The following TNRC6B variants were observed in gnomAD, a reference collection of about 807,000 sequenced individuals.
TNRC6B encodes trinucleotide repeat containing adaptor 6B.
Under a neutral mutation model 203.6 loss-of-function variants are expected in TNRC6B, and 52 were observed. That is an observed-to-expected ratio of 0.26 (90% CI 0.20 to 0.32). The LOEUF is 0.32. TNRC6B is among the 10% of genes least tolerant of loss of function. TNRC6B has a pLI of 1.00. For missense variants in TNRC6B, 1,923 were observed against 2,286.2 expected (o/e 0.84, Z 3.24); for synonymous variants, 838 against 845.7 (o/e 0.99, Z 0.16).
At chr22:40,099,360 A>G (rs533349942) in intron 1 of TNRC6B, among the ~76,000 whole-genome samples, 3 of 152,286 alleles carry the variant, frequency 2.0e-5, no homozygotes, top group East Asian at 3.9e-4. Flanking sequence ...TGCTGAAATA[A>G]TTCATCTTTT....
At chr22:40,167,658 T>C (rs2068931364) in intron 4 of TNRC6B, among the ~76,000 whole-genome samples, 1 of 133,650 alleles carries the variant, frequency 7.5e-6, no homozygotes, top group African/African-American at 2.9e-5. Context: ...AGTGGGAGGG[T>C]TGTTTGAACC....
At chr22:40,128,005 A>G (rs1237660104) in intron 3 of TNRC6B, among the ~76,000 whole-genome samples, 1 of 152,226 alleles carries the variant, frequency 6.6e-6, no homozygotes, top group African/African-American at 2.4e-5. Flanking sequence ...TCAGTTTTCA[A>G]CTTCTTTTTG....
intron 1 of TNRC6B, among the ~76,000 whole-genome samples, chr22:40,062,231 C>T (rs962333071): frequency 2.6e-5 from 4 of 152,100 alleles, no homozygotes; most frequent in African/African-American, 9.7e-5. Flanking sequence ...GATAGAGTCT[C>T]ACTCTGTTGC....
Position 40,265,743 on chromosome 22 carries a change from G to A in TNRC6B, c.1513G>A (p.Gly505Arg). Residue 505 changes from glycine to arginine, a missense_variant, in exon 5 of 23, where the codon GGG becomes AGG. Transcript: ENST00000454349. ...KWGEGNKMTS[G>R]VSQGEWKQPT... is the part of the protein sequence containing the mutation. ...GGGTGAAGGGAACAAAATGACATCT[G>A]GGGTCTCTCAGGGAGAATGGAAACA... 1 of 1,613,966 alleles carries A rather than the reference G, an allele frequency of 6.2e-7. No individual in the cohort carries two copies. The highest frequency in any genetic ancestry group is 8.5e-7 in the Non-Finnish European group (1 of 1,179,884).
chr22:40,053,838 A>G (rs907039407), intron 1 of TNRC6B, among the ~76,000 whole-genome samples: 1 of 152,142 alleles, frequency 6.6e-6, no homozygotes, highest in African/African-American at 2.4e-5. Context: ...ATCTTTTAAA[A>G]CTACAGATGT....
chr22:40,137,109 T>G (rs2068606476), intron 3 of TNRC6B, among the ~76,000 whole-genome samples: 1 of 152,218 alleles, frequency 6.6e-6, no homozygotes, highest in African/African-American at 2.4e-5. Flanking sequence ...GGTAATTTGT[T>G]TTGTTTGTGT....
chr22:40,237,719 A>G (rs746546772), intron 1 of TNRC6B, among the ~76,000 whole-genome samples: 7 of 152,144 alleles, frequency 4.6e-5, no homozygotes, highest in Non-Finnish European at 1.0e-4. Context: ...CTCATCTCCC[A>G]GATGGCTTTC....
At chr22:40,098,913 G>A (rs1043535157) in intron 1 of TNRC6B, among the ~76,000 whole-genome samples, 1 of 151,816 alleles carries the variant, frequency 6.6e-6, no homozygotes, top group South Asian at 2.1e-4. Flanking sequence ...TTAAATTGAT[G>A]TGTTTGATTT....
chr22:40,252,125 C>T (rs1170328663), intron 3 of TNRC6B, among the ~76,000 whole-genome samples: 1 of 152,110 alleles, frequency 6.6e-6, no homozygotes, highest in Non-Finnish European at 1.5e-5. Context: ...GTTCATTTCC[C>T]CTTCAGAATG....
At position 40,261,896 on chromosome 22, in the gene TNRC6B, A is replaced by G. The variant is rs376736908; in HGVS notation, c.180A>G (p.Pro60=). The G allele has an allele frequency of 5.1e-5, 82 of 1,601,156 alleles. No individual in the cohort carries two copies. In the African/African-American group the frequency reaches 1.0e-3, roughly 20 times the overall value. The change falls in exon 4 of 23, where the codon CCA becomes CCG. Residue 60 remains proline, a synonymous_variant. Coordinates refer to ENST00000454349, the MANE Select transcript of TNRC6B (RefSeq NM_001162501.2). ...PTAASPIGSS[P]SPPVNGGNNA... is the part of the protein sequence containing the mutation. ...CCGCCAGCCCAATTGGCAGCTCTCC[A>G]TCGCCACCAGTCAATGGTGGCAACA...
intron 1 of TNRC6B, among the ~76,000 whole-genome samples, chr22:40,084,804 G>A (rs1361151068): frequency 6.6e-6 from 1 of 152,192 alleles, no homozygotes; most frequent in Non-Finnish European, 1.5e-5. Flanking sequence ...GTAGGAGTCA[G>A]ATGACGAAGG....
chr22:40,222,838 C>A (rs1486414661), intron 1 of TNRC6B, among the ~76,000 whole-genome samples: 1 of 143,210 alleles, frequency 7.0e-6, no homozygotes, highest in East Asian at 2.2e-4. Context: ...CTTTGCCTCC[C>A]AGGCTCAGGC....
At chr22:40,242,781 A>G (rs905333791) in intron 1 of TNRC6B, among the ~76,000 whole-genome samples, 1 of 151,688 alleles carries the variant, frequency 6.6e-6, no homozygotes, top group African/African-American at 2.4e-5. Flanking sequence ...TATGTAACCC[A>G]TCTCCATCAC....
intron 1 of TNRC6B, among the ~76,000 whole-genome samples, chr22:40,204,857 G>A (rs1408478787): frequency 6.6e-6 from 1 of 152,172 alleles, no homozygotes; most frequent in Admixed American, 6.5e-5. Flanking sequence ...TCACTAAAAT[G>A]GGCATAGGAA....
intron 1 of TNRC6B, among the ~76,000 whole-genome samples, chr22:40,239,083 A>G (rs1394162465): frequency 1.3e-5 from 2 of 152,148 alleles, no homozygotes; most frequent in African/African-American, 2.4e-5. Context: ...GGCGCCTGTA[A>G]TCTCAGCAAC....
At chr22:40,072,744 A>G (rs1344417774) in intron 1 of TNRC6B, among the ~76,000 whole-genome samples, 5 of 151,820 alleles carry the variant, frequency 3.3e-5, no homozygotes, top group African/African-American at 1.2e-4. Context: ...CGTGCCTGAA[A>G]TCCCAGATAC....
intron 1 of TNRC6B, among the ~76,000 whole-genome samples, chr22:40,221,761 C>CCCCTT (rs11407329): frequency 7.4e-6 from 1 of 134,274 alleles, no homozygotes; most frequent in Non-Finnish European, 1.6e-5. Context: ...GCCCCCCCCC[C>CCCCTT]TTTTTTTTTT....
At chr22:40,300,832 TG>T (rs1164804797) in intron 13 of TNRC6B, 77 bp from the exon 14 acceptor site, 1 of 1,405,872 alleles carries the variant, frequency 7.1e-7, no homozygotes, top group East Asian at 2.4e-5. Flanking sequence ...TGTACTTCAG[TG>T]CACAGACCCT....
At chr22:40,064,918 A>G (rs1282597455) in intron 1 of TNRC6B, among the ~76,000 whole-genome samples, 1 of 152,074 alleles carries the variant, frequency 6.6e-6, no homozygotes, top group Non-Finnish European at 1.5e-5. Context: ...CACCTAGCCT[A>G]TAATCCTTTT....
Sources: gnomAD v4.1 joint callset for allele counts (sites outside exome capture counted in the v4.1 genomes callset) on GRCh38, gnomAD v4.1.1 for gene constraint, MANE v1.5 for transcripts, NCBI Gene and HGNC (gene_info 2026-07-23, HGNC 2026-07-21) for gene names.